GPR22: variants seen among roughly 807,000 people sequenced by gnomAD.
GPR22 encodes the protein G protein-coupled receptor 22, also known as G-protein coupled receptor 22.
Under a neutral mutation model 31.0 loss-of-function variants are expected in GPR22, and 13 were observed. That is an observed-to-expected ratio of 0.42 (90% confidence interval 0.27 to 0.67). The LOEUF (loss-of-function observed/expected upper bound fraction) is 0.67. Among genes scored for constraint, GPR22 ranks in the 30% least tolerant of loss-of-function variants. GPR22 has a pLI of 0.25. For missense variants in GPR22, 368 were observed against 509.6 expected (o/e 0.72, Z 2.67); for synonymous variants, 191 against 173.4 (o/e 1.10, Z -0.80).
At chr7:107,473,677 T>G (rs1222859113) in intron 2 of GPR22, among the ~76,000 whole-genome samples, 3 of 151,948 alleles carry the variant, frequency 2.0e-5, no homozygotes, top group Non-Finnish European at 4.4e-5. Context: ...TAAATGAAAT[T>G]TTAAGACACT....
In GPR22 at chr7:107,471,788, A is replaced by C. The variant is rs1029877259; in HGVS notation, c.-541A>C. On this transcript the variant is annotated 5_prime_UTR_variant, in exon 2 of 3. Transcript: ENST00000304402. Reference sequence around the variant, plus strand: ...TTCTGCACTAAATATTCAGATATTCATATCAATTGGTATGACTAATGGATT... The same window carrying C: ...TTCTGCACTAAATATTCAGATATTCCTATCAATTGGTATGACTAATGGATT... 6.6e-6 allele frequency: 1 copy of C among 152,032 alleles called. No homozygotes were observed. The highest frequency in any genetic ancestry group is 2.4e-5 in the African/African-American group (1 of 41,432). The allele number at this position is 152,032 out of a possible 1,614,324, so 9.4% of individuals were successfully genotyped here.
chr7:107,476,103 T>G (rs1796961226), downstream of GPR22, among the ~76,000 whole-genome samples: 2 of 146,600 alleles, frequency 1.4e-5, no homozygotes, highest in African/African-American at 2.5e-5. Flanking sequence ...GGAAGAATAC[T>G]AAAACACCAG....
chr7:107,475,660 G>A lies in GPR22; in HGVS notation c.*298G>A, dbSNP rs1796931810. ...GGAATAAATACATAGCCTTAAAACA[G>A]TGTATAACTTTAAAATGTAACTGAC... On this transcript the variant is annotated 3_prime_UTR_variant, in exon 3 of 3. Transcript: ENST00000304402. 1 of 225,050 alleles carries A rather than the reference G, an allele frequency of 4.4e-6. No individual in the cohort carries two copies. The highest frequency in any genetic ancestry group is 2.3e-5 in the African/African-American group (1 of 43,650). 13.9% of individuals were successfully genotyped at this position (225,050 alleles called of 1,614,324 possible). A position where few individuals can be genotyped will look rare whatever the true frequency, so the allele number is the denominator to read the frequency against.
downstream of GPR22, among the ~76,000 whole-genome samples, chr7:107,476,584 G>T (rs547894980): frequency 2.6e-5 from 4 of 151,640 alleles, no homozygotes; most frequent in East Asian, 5.8e-4. Context: ...CCTAACTACA[G>T]ATTACAAGAA....
intron 2 of GPR22, 105 bp from the exon 3 acceptor site, chr7:107,473,930 A>C: frequency 2.0e-6 from 1 of 506,268 alleles, no homozygotes; most frequent in East Asian, 3.0e-5. Context: ...AAACTTAAAA[A>C]TTAAACTAAG....
rs1448046179 is a variant in GPR22 at position 107,474,470 on chromosome 7, C to G, written c.410C>G (p.Thr137Ser). 1 of 1,613,414 alleles carries G rather than the reference C, an allele frequency of 6.2e-7. No individual in the cohort carries two copies. The highest frequency in any genetic ancestry group is 8.5e-7 in the Non-Finnish European group (1 of 1,179,596). The change falls in exon 3 of 3, where the codon ACT becomes AGT. Residue 137 changes from threonine (T) to serine (S), a missense_variant. Physicochemically the swap from Thr to Ser is moderately conservative, Grantham distance 58. Transcript: ENST00000304402. This position sits in a 1 kb window ranked among gnomAD's most constrained non-coding sequence, Gnocchi z 5.7. The part of the protein sequence containing the change: ...VSTAINVFAI[T>S]LDRYDISVKP... ...ACAGCAATCAACGTTTTTGCTATCA[C>G]TTTGGACAGATATGACATCTCTGTA...
Position 107,475,360 on chromosome 7 carries a change from TAGAGA to T in GPR22, c.1302_*4del, listed in dbSNP as rs755480397. 17 of 1,407,890 alleles carry T rather than the reference TAGAGA, an allele frequency of 1.2e-5. No homozygotes were observed. The highest frequency in any genetic ancestry group is 1.5e-5 in the Non-Finnish European group (16 of 1,041,400). 87.2% of individuals were successfully genotyped at this position (1,407,890 alleles called of 1,614,324 possible). ...TTTAGTGCCTCAGGTTGTCACAGAC[TAGAGA>T]AAAGTCTCAGTTTCACCAAATCCAC... On this transcript the variant is annotated stop_retained_variant and 3_prime_UTR_variant, in exon 3 of 3. Transcript: ENST00000304402.
At chr7:107,473,732 A>G (rs1490217757) in intron 2 of GPR22, among the ~76,000 whole-genome samples, 3 of 152,128 alleles carry the variant, frequency 2.0e-5, no homozygotes, top group Admixed American at 1.3e-4. Context: ...ATCATACAAA[A>G]ATACACTTTA....
At position 107,471,461 on chromosome 7, in the gene GPR22, G is replaced by C. The variant is rs1278764236; in HGVS notation, c.-868G>C. The C allele has an allele frequency of 6.6e-6, 1 of 152,026 alleles. No homozygotes were observed. The highest frequency in any genetic ancestry group is 1.5e-5 in the Non-Finnish European group (1 of 67,952). The allele number at this position is 152,026 out of a possible 1,614,324, so 9.4% of individuals were successfully genotyped here. A position where few individuals can be genotyped will look rare whatever the true frequency, so the allele number is the denominator to read the frequency against. ...TCCCTAGCTGTCTGAACTACGAACTGCAAGATGTTCTTGTAACACGACTTT... is the reference window on the plus strand; with the variant it reads ...TCCCTAGCTGTCTGAACTACGAACTCCAAGATGTTCTTGTAACACGACTTT... On this transcript the variant is annotated 5_prime_UTR_variant, in exon 2 of 3. Transcript: ENST00000304402.
Position 107,471,682 on chromosome 7 carries a change from G to A in GPR22, c.-647G>A, listed in dbSNP as rs573143833. On this transcript the variant is annotated 5_prime_UTR_variant, in exon 2 of 3. Transcript: ENST00000304402. ...CAGAATTGTGGAAGTTACTGATTCT[G>A]GAAGACATAATGAAACATGAATTTC... 2.0e-5 allele frequency: 3 copies of A among 152,078 alleles called. No individual in the cohort carries two copies. Among genetic ancestry groups the A allele is most frequent in the East Asian group, 3.9e-4 (2 of 5,184 alleles). The allele number at this position is 152,078 out of a possible 1,614,324, so 9.4% of individuals were successfully genotyped here.
intron 2 of GPR22, among the ~76,000 whole-genome samples, chr7:107,473,264 T>A (rs1342519853): frequency 6.6e-6 from 1 of 151,948 alleles, no homozygotes; most frequent in Non-Finnish European, 1.5e-5. Context: ...TTCCACAAGA[T>A]ACAAGAGGGT....
chr7:107,474,072 T>C lies in GPR22; in HGVS notation c.12T>C (p.Ser4=). 6.4e-7 allele frequency: 1 copy of C among 1,555,612 alleles called. No homozygotes were observed. Among genetic ancestry groups the C allele is most frequent in the South Asian group, 1.2e-5 (1 of 83,230 alleles). ...ACTGCTCCAAAAGAATGTGTTTTTC[T>C]CCCATTCTGGAAATCAACATGCAGT... MCF[S]PILEINMQSE... Residue 4 remains serine (S), a synonymous_variant, in exon 3 of 3, where the codon TCT becomes TCC. Coordinates refer to ENST00000304402, the MANE Select transcript of GPR22 (RefSeq NM_005295.3). This position sits in a 1 kb window ranked among gnomAD's most constrained non-coding sequence, Gnocchi z 5.7.
chr7:107,475,610 T>TA lies in GPR22; in HGVS notation c.*249dup, dbSNP rs1196336313. On this transcript the variant is annotated 3_prime_UTR_variant, in exon 3 of 3. Coordinates refer to ENST00000304402, the MANE Select transcript of GPR22 (RefSeq NM_005295.3). ...TGTCAATATTATGTCCAACAGAAAA[T>TA]ATTCATGTAAGTCATATTTTTTAAG... The TA allele has an allele frequency of 3.0e-6, 1 of 338,812 alleles. No individual in the cohort carries two copies. Among genetic ancestry groups the TA allele is most frequent in the African/African-American group, 2.1e-5 (1 of 46,634 alleles). 21.0% of individuals were successfully genotyped at this position (338,812 alleles called of 1,614,324 possible).
At chr7:107,473,671 T>A (rs573128384) in intron 2 of GPR22, among the ~76,000 whole-genome samples, 5 of 152,074 alleles carry the variant, frequency 3.3e-5, no homozygotes, top group Admixed American at 2.6e-4. Flanking sequence ...AACATTTAAA[T>A]GAAATTTTAA....
rs1336830119 is a variant in GPR22 at position 107,474,149 on chromosome 7, T to C, written c.89T>C (p.Met30Thr). 3 of 1,610,062 alleles carry C rather than the reference T, an allele frequency of 1.9e-6. No individual in the cohort carries two copies. Among genetic ancestry groups the C allele is most frequent in the Admixed American group, 3.3e-5 (2 of 59,914 alleles). The part of the protein sequence containing the change: ...RDDIDDINTN[M>T]YQPLSYPLSF... The stretch of plus-strand genomic sequence containing the variant: ...GACATTGATGACATCAACACCAATA[T>C]GTACCAACCACTATCATATCCGTTA... Residue 30 changes from methionine (M) to threonine (T), a missense_variant, in exon 3 of 3, where the codon ATG (methionine) becomes ACG (threonine). Coordinates refer to ENST00000304402, the MANE Select transcript of GPR22 (RefSeq NM_005295.3). The surrounding 1 kb of genome is among the most constrained non-coding windows in gnomAD (Gnocchi z 5.7).
rs1796831420 is a variant in GPR22, at chr7:107,474,218, T to C, written c.158T>C (p.Val53Ala). 1.2e-6 allele frequency: 2 copies of C among 1,613,274 alleles called. No homozygotes were observed. Among genetic ancestry groups the C allele is most frequent in the Non-Finnish European group, 1.7e-6 (2 of 1,179,398 alleles). Residue 53 changes from valine to alanine, a missense_variant, in exon 3 of 3, where the codon GTG becomes GCG. Physicochemically the swap from Val to Ala is moderately conservative, Grantham distance 64. Transcript: ENST00000304402. This position sits in a 1 kb window ranked among gnomAD's most constrained non-coding sequence, Gnocchi z 5.7. ...ACCGGATTTCTTATGTTAGAAATTG[T>C]GTTGGGACTTGGCAGCAACCTCACT... is the stretch of plus-strand genomic sequence containing the variant. ...SLTGFLMLEI[V>A]LGLGSNLTVL...
At chr7:107,473,699 A>G (rs541768751) in intron 2 of GPR22, among the ~76,000 whole-genome samples, 5 of 152,148 alleles carry the variant, frequency 3.3e-5, no homozygotes, top group Admixed American at 2.0e-4. Context: ...GGCTGAAATT[A>G]ATTTTGTATG....
At chr7:107,476,783 T>C (rs1797023131), downstream of GPR22, among the ~76,000 whole-genome samples, 1 of 151,708 alleles carries the variant, frequency 6.6e-6, no homozygotes, top group Non-Finnish European at 1.5e-5. Flanking sequence ...CAAGTAGCAA[T>C]TCATTTTTAA....
In GPR22 at chr7:107,474,206, T is replaced by C. The variant is rs934093136; in HGVS notation, c.146T>C (p.Met49Thr). ...SFQVSLTGFL[M>T]LEIVLGLGSN... ...CAAGTGTCTCTCACCGGATTTCTTA[T>C]GTTAGAAATTGTGTTGGGACTTGGC... The change falls in exon 3 of 3, where the codon ATG becomes ACG. Residue 49 changes from methionine to threonine, a missense_variant. Physicochemically the swap from Met to Thr is moderately conservative, Grantham distance 81. Coordinates refer to ENST00000304402, the MANE Select transcript of GPR22 (RefSeq NM_005295.3). This position sits in a 1 kb window ranked among gnomAD's most constrained non-coding sequence, Gnocchi z 5.7. 4 of 1,613,082 alleles carry C rather than the reference T, an allele frequency of 2.5e-6. No individual in the cohort carries two copies. The highest frequency in any genetic ancestry group is 2.2e-5 in the South Asian group (2 of 91,060).
Sources: allele counts gnomAD v4.1 joint callset (sites outside exome capture counted in the v4.1 genomes callset), GRCh38; gene constraint gnomAD v4.1.1; non-coding constraint Gnocchi (gnomAD v3.1); transcripts MANE v1.5; gene names NCBI Gene and HGNC (gene_info 2026-07-23, HGNC 2026-07-21).